TNFSF15: variants seen among roughly 807,000 people sequenced by gnomAD.
TNFSF15 encodes TNF superfamily member 15.
A neutral mutation model predicts 26.4 loss-of-function variants in TNFSF15; 15 were observed. The ratio of observed to expected loss-of-function variants is 0.57; its 90% CI spans 0.38 to 0.87. The LOEUF (loss-of-function observed/expected upper bound fraction) is 0.87, where lower values mean the gene tolerates loss of function less well. Among genes scored for constraint, TNFSF15 ranks in the 40% least tolerant of loss-of-function variants. The pLI is 0.00. For synonymous variants in TNFSF15, 116 were observed against 115.0 expected (o/e 1.01, Z -0.06); for missense variants, 290 against 306.1 (o/e 0.95, Z 0.39).
chr9:114,805,967 C>T lies in TNFSF15; in HGVS notation c.46G>A (p.Glu16Lys), dbSNP rs562601626. ...GLSFGETASV[E>K]MLPEHGSCRP... ...CAGCTGCCGTGCTCTGGCAGCATTT[C>T]CACACTGGCTGTTTCCCCAAAGCTC... The change falls in exon 1 of 4, where the codon GAA (glutamate) becomes AAA (lysine). Residue 16 changes from glutamate to lysine, a missense_variant. This residue lies in a region of TNFSF15 where 179 missense variants were observed against 165.9 expected (regional missense o/e 1.08). Coordinates refer to ENST00000374045, the MANE Select transcript of TNFSF15 (RefSeq NM_005118.4). 1 of 1,614,116 alleles carries T rather than the reference C, an allele frequency of 6.2e-7. No homozygotes were observed. Among genetic ancestry groups the T allele is most frequent in the African/African-American group, 1.3e-5 (1 of 75,044 alleles).
At chr9:114,793,421 T>A (rs1799468407) in intron 2 of TNFSF15, 105 bp downstream of exon 2, 5 of 1,370,008 alleles carry the variant, frequency 3.6e-6, no homozygotes, top group Non-Finnish European at 5.2e-6. Flanking sequence ...TCCCTCAGCT[T>A]AGCAACTTGT....
rs878871871 is a variant in TNFSF15, at chr9:114,792,223, GTA to G, written c.301+182_301+183del. 1.1e-5 allele frequency: 6 copies of G among 567,186 alleles called. No homozygotes were observed. In the South Asian group the frequency reaches 1.4e-4, roughly 13 times the overall value. The allele number at this position is 567,186 out of a possible 1,614,324, so 35.1% of individuals were successfully genotyped here. On this transcript the variant is annotated intron_variant, in intron 3 of 3. Transcript: ENST00000374045. ...TGTGTGTGTGTATATACATATGTGT[GTA>G]CACACACACACACACACACACACAC...
chr9:114,790,609 G>T lies in TNFSF15; in HGVS notation c.599C>A (p.Ser200Tyr). The change falls in exon 4 of 4, where the codon TCT becomes TAT. Residue 200 changes from serine to tyrosine, a missense_variant. This residue lies in a region of TNFSF15 where 102 missense variants were observed against 114.7 expected (regional missense o/e 0.89). Transcript: ENST00000374045. ...CCAGTTGCTACCTACTTCGCATACA[G>T]ACTTGGTCCCCATGAGGAGCTGGGT... Reference protein sequence around the residue: ...EPTQLLMGTKSVCEVGSNWFQ... With the variant: ...EPTQLLMGTKYVCEVGSNWFQ... The T allele has an allele frequency of 3.1e-6, 5 of 1,614,094 alleles. No homozygotes were observed. Among genetic ancestry groups the T allele is most frequent in the Non-Finnish European group, 4.2e-6 (5 of 1,180,026 alleles).
In TNFSF15 at chr9:114,787,347, C is replaced by T. The variant is rs978612485; in HGVS notation, c.*3105G>A. 12 of 152,088 alleles carry T rather than the reference C, an allele frequency of 7.9e-5. No homozygotes were observed. The highest frequency in any genetic ancestry group is 1.7e-4 in the African/African-American group (7 of 41,392). The allele number at this position is 152,088 out of a possible 1,614,324, so 9.4% of individuals were successfully genotyped here. On this transcript the variant is annotated 3_prime_UTR_variant, in exon 4 of 4. Transcript: ENST00000374045. ...AATAGATCCATGTGCCTAAAGTTTA[C>T]GAATTAATTAGCTAATACAACCAAA...
intron 1 of TNFSF15, among the ~76,000 whole-genome samples, chr9:114,804,167 GA>G (rs1256298929): frequency 1.3e-5 from 2 of 152,296 alleles, no homozygotes; most frequent in Admixed American, 1.3e-4. Context: ...TGAATTTAAT[GA>G]TAATGGAATG....
At chr9:114,802,784 A>T (rs1272109022) in intron 1 of TNFSF15, among the ~76,000 whole-genome samples, 1 of 152,080 alleles carries the variant, frequency 6.6e-6, no homozygotes, top group East Asian at 1.9e-4. Context: ...GGTATTACTG[A>T]TCTCCTTCTT....
rs1829578006 is a variant in TNFSF15 at position 114,790,482 on chromosome 9, A to G, written c.726T>C (p.Asp242=). The G allele has an allele frequency of 1.9e-6, 3 of 1,611,684 alleles. No individual in the cohort carries two copies. The highest frequency in any genetic ancestry group is 2.5e-6 in the Non-Finnish European group (3 of 1,178,586). ...GTAAGAAGGCTCCAAAGAAGGTTTT[A>G]TCTTCTTTTGTGTAATCCACCAAAG... The part of the protein sequence containing the change: ...DISLVDYTKE[D]KTFFGAFLL The change falls in exon 4 of 4, where the codon GAT becomes GAC. Residue 242 remains aspartate (D), a synonymous_variant. Coordinates refer to ENST00000374045, the MANE Select transcript of TNFSF15 (RefSeq NM_005118.4).
rs1398729992 is a variant in TNFSF15, at chr9:114,785,218, C to T, written c.*5234G>A. ...ACTAGCTACTGTCTGGCACTGGCCA[C>T]GAAGGGTGACAGGGTGTGGATGTGA... is the stretch of plus-strand genomic sequence containing the variant. On this transcript the variant is annotated 3_prime_UTR_variant, in exon 4 of 4. Coordinates refer to ENST00000374045, the MANE Select transcript of TNFSF15 (RefSeq NM_005118.4). 3 of 152,224 alleles carry T rather than the reference C, an allele frequency of 2.0e-5. No homozygotes were observed. Among genetic ancestry groups the T allele is most frequent in the Admixed American group, 6.5e-5 (1 of 15,288 alleles). 9.4% of individuals were successfully genotyped at this position (152,224 alleles called of 1,614,324 possible). A position where few individuals can be genotyped will look rare whatever the true frequency, so the allele number is the denominator to read the frequency against.
chr9:114,794,929 C>A (rs995074775), intron 1 of TNFSF15, among the ~76,000 whole-genome samples: 2 of 152,008 alleles, frequency 1.3e-5, no homozygotes, highest in African/African-American at 4.8e-5. Flanking sequence ...TGGGTACAAA[C>A]GTACAGTTGG....
intron 1 of TNFSF15, among the ~76,000 whole-genome samples, chr9:114,800,813 T>C (rs1490915847): frequency 6.6e-6 from 1 of 152,188 alleles, no homozygotes; most frequent in Non-Finnish European, 1.5e-5. Context: ...TAATAAGTTA[T>C]TAAGAGGTCG....
At chr9:114,802,399 C>T (rs1040518043) in intron 1 of TNFSF15, among the ~76,000 whole-genome samples, 23 of 151,960 alleles carry the variant, frequency 1.5e-4, no homozygotes, top group African/African-American at 3.1e-4. Flanking sequence ...ACTACAGGCG[C>T]GCGCCACCAC....
At chr9:114,801,882 C>T (rs1829753609) in intron 1 of TNFSF15, among the ~76,000 whole-genome samples, 1 of 152,186 alleles carries the variant, frequency 6.6e-6, no homozygotes, top group Non-Finnish European at 1.5e-5. Context: ...TCCCTCCTTC[C>T]CTTGCTGACA....
At chr9:114,797,757 C>T (rs1399098158) in intron 1 of TNFSF15, among the ~76,000 whole-genome samples, 1 of 152,194 alleles carries the variant, frequency 6.6e-6, no homozygotes, top group Non-Finnish European at 1.5e-5. Context: ...ATTGAATAGA[C>T]ATGGTGTCTG....
Position 114,793,412 on chromosome 9 carries a change from C to A in TNFSF15, c.253+114G>T, listed in dbSNP as rs1332593458. On this transcript the variant is annotated intron_variant, in intron 2 of 3. Transcript: ENST00000374045. Reference sequence around the variant, plus strand: ...CCTCATTTCTCCTCTGGATTTGCATCCCTCAGCTTAGCAACTTGTACTTAA... The same window carrying A: ...CCTCATTTCTCCTCTGGATTTGCATACCTCAGCTTAGCAACTTGTACTTAA... 4.0e-6 allele frequency: 5 copies of A among 1,255,712 alleles called. No homozygotes were observed. In the East Asian group the frequency reaches 9.8e-5, roughly 25 times the overall value. The allele number at this position is 1,255,712 out of a possible 1,614,324, so 77.8% of individuals were successfully genotyped here. A position where few individuals can be genotyped will look rare whatever the true frequency, so the allele number is the denominator to read the frequency against.
intron 1 of TNFSF15, among the ~76,000 whole-genome samples, chr9:114,794,582 A>T (rs1041581164): frequency 6.6e-6 from 1 of 152,218 alleles, no homozygotes; most frequent in East Asian, 1.9e-4. Flanking sequence ...TGCTTATTGA[A>T]AGACTATTCA....
chr9:114,804,452 G>A (rs1445081461), intron 1 of TNFSF15, among the ~76,000 whole-genome samples: 6 of 152,164 alleles, frequency 3.9e-5, no homozygotes, highest in African/African-American at 4.8e-5. Context: ...CATCTTGATC[G>A]TGGGAACCTG....
At chr9:114,799,488 C>T (rs903474971) in intron 1 of TNFSF15, among the ~76,000 whole-genome samples, 13 of 152,144 alleles carry the variant, frequency 8.5e-5, no homozygotes, top group Admixed American at 7.2e-4. Context: ...TTAGGAGCTC[C>T]GGGAGGCATC....
In TNFSF15 at chr9:114,787,207, T is replaced by C. The variant is rs1010581451; in HGVS notation, c.*3245A>G. On this transcript the variant is annotated 3_prime_UTR_variant, in exon 4 of 4. Coordinates refer to ENST00000374045, the MANE Select transcript of TNFSF15 (RefSeq NM_005118.4). ...AAAAAATGGGAACTTTTTTACCTTC[T>C]TGATTTATGGAAAACTATCCTTGAG... 2 of 152,324 alleles carry C rather than the reference T, an allele frequency of 1.3e-5. No individual in the cohort carries two copies. The highest frequency in any genetic ancestry group is 3.9e-4 in the East Asian group (2 of 5,184). The allele number at this position is 152,324 out of a possible 1,614,324, so 9.4% of individuals were successfully genotyped here. A position where few individuals can be genotyped will look rare whatever the true frequency, so the allele number is the denominator to read the frequency against.
At chr9:114,799,561 A>G (rs1286109725) in intron 1 of TNFSF15, among the ~76,000 whole-genome samples, 4 of 152,312 alleles carry the variant, frequency 2.6e-5, no homozygotes, top group Middle Eastern at 3.4e-3. Flanking sequence ...CTGCCCTTTC[A>G]GAGTGCAAAT....
Sources: allele counts gnomAD v4.1 joint callset (sites outside exome capture counted in the v4.1 genomes callset), GRCh38; gene constraint gnomAD v4.1.1; regional missense constraint gnomAD v4.1.1; transcripts MANE v1.5; gene names NCBI Gene and HGNC (gene_info 2026-07-23, HGNC 2026-07-21).